The following HIVEP1 variants were observed in gnomAD, a reference collection of about 807,000 sequenced individuals.
HIVEP1 encodes zinc finger protein 40.
A neutral mutation model predicts 180.0 loss-of-function variants in HIVEP1; 36 were observed. That is an observed-to-expected ratio of 0.20 (90% confidence interval 0.15 to 0.26). The LOEUF is 0.26. Ranked by LOEUF, HIVEP1 falls within the 10% of genes least tolerant of loss-of-function variation. The probability of loss-of-function intolerance (pLI) is 1.00; values close to 1 mark genes in which losing one functional copy is unlikely to be tolerated. For missense variants in HIVEP1, 3,143 were observed against 3,268.7 expected (o/e 0.96, Z 0.94); for synonymous variants, 1,239 against 1,239.0 (o/e 1.00, Z 0.00).
At chr6:12,159,591 A>G (rs1422638771) in intron 7 of HIVEP1, among the ~76,000 whole-genome samples, 4 of 152,168 alleles carry the variant, frequency 2.6e-5, no homozygotes, top group African/African-American at 4.8e-5. Context: ...TGCCAAACCT[A>G]TAAAAAATTT....
At chr6:12,042,943 C>G (rs9470838) in intron 2 of HIVEP1, among the ~76,000 whole-genome samples, 1 of 151,984 alleles carries the variant, frequency 6.6e-6, no homozygotes, top group Non-Finnish European at 1.5e-5. Flanking sequence ...TTGTGTATGT[C>G]ATGAGGTTAT....
At chr6:12,051,455 C>T (rs1165479588) in intron 2 of HIVEP1, among the ~76,000 whole-genome samples, 2 of 152,112 alleles carry the variant, frequency 1.3e-5, no homozygotes, top group Admixed American at 6.6e-5. Flanking sequence ...TCTATCTCTG[C>T]CTTCTCCCCT....
chr6:12,074,840 GT>G (rs1772247174), intron 2 of HIVEP1, among the ~76,000 whole-genome samples: 1 of 151,834 alleles, frequency 6.6e-6, no homozygotes, highest in Non-Finnish European at 1.5e-5. Context: ...ATGTATCCAT[GT>G]TTTCTTATGT....
the HIVEP1 span, among the ~76,000 whole-genome samples, chr6:12,192,298 T>C: frequency 6.6e-6 from 1 of 152,204 alleles, no homozygotes; most frequent in Non-Finnish European, 1.5e-5. Context: ...TACATATTTT[T>C]AAATTTTTAA....
intron 3 of HIVEP1, among the ~76,000 whole-genome samples, chr6:12,102,531 C>G (rs1774171592): frequency 6.6e-6 from 1 of 152,104 alleles, no homozygotes. Flanking sequence ...CAAATGACAC[C>G]AAGGCTTTCC....
At chr6:12,201,204 C>A in the HIVEP1 span, among the ~76,000 whole-genome samples, 6 of 152,200 alleles carry the variant, frequency 3.9e-5, no homozygotes, top group Non-Finnish European at 7.3e-5. Flanking sequence ...AGGCTGGTTG[C>A]AATGGCTCAT....
the HIVEP1 span, among the ~76,000 whole-genome samples, chr6:12,207,908 A>AAGG: frequency 6.8e-6 from 1 of 148,006 alleles, no homozygotes; most frequent in Admixed American, 6.8e-5. Flanking sequence ...TGTCTCAAAA[A>AAGG]AAAAAAAAAA....
At chr6:12,179,212 A>G in the HIVEP1 span, among the ~76,000 whole-genome samples, 1 of 152,114 alleles carries the variant, frequency 6.6e-6, no homozygotes, top group Non-Finnish European at 1.5e-5. Context: ...GTTGTTTTCT[A>G]CCCGAGTTGG....
chr6:12,045,927 C>T (rs983788915), intron 2 of HIVEP1, among the ~76,000 whole-genome samples: 5 of 152,200 alleles, frequency 3.3e-5, no homozygotes, highest in African/African-American at 1.2e-4. Flanking sequence ...AAAATTCTAC[C>T]CATTTGAAAT....
At chr6:12,168,249 CAGATATACGTGT>C (rs1760799103), downstream of HIVEP1, among the ~76,000 whole-genome samples, 2 of 58,430 alleles carry the variant, frequency 3.4e-5, no homozygotes, top group Admixed American at 1.7e-4. Flanking sequence ...ATTATATATA[CAGATATACGTGT>C]ATATATACAT....
intron 7 of HIVEP1, among the ~76,000 whole-genome samples, chr6:12,147,283 C>CA (rs1475563784): frequency 6.6e-6 from 1 of 152,198 alleles, no homozygotes; most frequent in East Asian, 1.9e-4. Context: ...CATGTTCTGA[C>CA]ACTTGAAAAC....
At chr6:12,173,689 T>C in the HIVEP1 span, among the ~76,000 whole-genome samples, 4,092 of 152,286 alleles carry the variant, frequency 0.027, 186 homozygotes, top group African/African-American at 0.092. Context: ...CGAAGACCAA[T>C]AGACATTTGT....
chr6:12,042,293 G>A (rs1769817177), intron 2 of HIVEP1, among the ~76,000 whole-genome samples: 1 of 149,438 alleles, frequency 6.7e-6, no homozygotes, highest in Non-Finnish European at 1.5e-5. Context: ...TTGTTAGCCA[G>A]GATGGTCTCC....
intron 2 of HIVEP1, among the ~76,000 whole-genome samples, chr6:12,019,604 G>A (rs1478842564): frequency 1.3e-5 from 2 of 152,116 alleles, no homozygotes; most frequent in Non-Finnish European, 2.9e-5. Flanking sequence ...GAAACCCATC[G>A]CCTCTTTTTA....
At chr6:12,127,586 T>C (rs534264172) in intron 4 of HIVEP1, among the ~76,000 whole-genome samples, 104 of 152,270 alleles carry the variant, frequency 6.8e-4, no homozygotes, top group Non-Finnish European at 1.3e-3. Flanking sequence ...AGAGATTCTT[T>C]TGTGTAGAGT....
intron 6 of HIVEP1, among the ~76,000 whole-genome samples, chr6:12,134,017 T>G (rs1758575645): frequency 6.6e-6 from 1 of 151,834 alleles, no homozygotes; most frequent in Non-Finnish European, 1.5e-5. Flanking sequence ...GACCTTATAA[T>G]TTGGTTTGTA....
chr6:12,101,050 A>G (rs1347243891), intron 3 of HIVEP1, among the ~76,000 whole-genome samples: 19 of 152,214 alleles, frequency 1.2e-4, no homozygotes, highest in Non-Finnish European at 1.5e-5. Context: ...CTACTTTTGT[A>G]CAAACCATAC....
chr6:12,107,448 A>G (rs1414351054), intron 3 of HIVEP1, among the ~76,000 whole-genome samples: 1 of 152,148 alleles, frequency 6.6e-6, no homozygotes, highest in Non-Finnish European at 1.5e-5. Context: ...CTGGTGGCTA[A>G]AGGTTGGGTG....
At chr6:12,172,635 A>T in the HIVEP1 span, among the ~76,000 whole-genome samples, 10 of 152,282 alleles carry the variant, frequency 6.6e-5, no homozygotes, top group East Asian at 1.9e-4. Context: ...GTGTTTTATT[A>T]AAAAAACTCA....
Sources: gnomAD v4.1 joint callset for allele counts (sites outside exome capture counted in the v4.1 genomes callset) on GRCh38, gnomAD v4.1.1 for gene constraint, MANE v1.5 for transcripts, NCBI Gene and HGNC (gene_info 2026-07-23, HGNC 2026-07-21) for gene names.